LRP1B: variants seen among roughly 807,000 people sequenced by gnomAD.
The protein encoded by LRP1B is low-density lipoprotein receptor-related protein 1B.
A neutral mutation model predicts 556.6 loss-of-function variants in LRP1B; 217 were observed. The observed-to-expected ratio is 0.39, with a 90% CI of 0.35 to 0.44. The LOEUF is 0.44. Among genes scored for constraint, LRP1B ranks in the 20% least tolerant of loss-of-function variants. The pLI is 1.00. For synonymous variants in LRP1B, 2,047 were observed against 1,865.8 expected, an observed-to-expected ratio of 1.10 and a Z score of -2.50; for missense variants, 5,053 against 5,620.8, an observed-to-expected ratio of 0.90 and a Z score of 3.23.
chr2:141,103,034 C>T (rs896582857), intron 7 of LRP1B, among the ~76,000 whole-genome samples: 3 of 151,798 alleles, frequency 2.0e-5, no homozygotes, highest in Middle Eastern at 3.2e-3. Context: ...CATTTTATTT[C>T]AGTATTTATT....
At chr2:141,507,307 C>G (rs942060837) in intron 2 of LRP1B, among the ~76,000 whole-genome samples, 8 of 152,034 alleles carry the variant, frequency 5.3e-5, no homozygotes, top group South Asian at 2.1e-4. Flanking sequence ...GTTGTCATTA[C>G]TTGTTTAGCA....
At chr2:141,886,979 TG>T (rs201578899) in intron 1 of LRP1B, among the ~76,000 whole-genome samples, 16,480 of 144,878 alleles carry the variant, frequency 0.11, 1,023 homozygotes, top group Admixed American at 0.16. Flanking sequence ...TTTTTTTTTT[TG>T]GGTTTTTTGT....
intron 2 of LRP1B, among the ~76,000 whole-genome samples, chr2:141,804,833 G>A (rs534805109): frequency 6.6e-6 from 1 of 151,954 alleles, no homozygotes; most frequent in Non-Finnish European, 1.5e-5. Context: ...GGCACAATAT[G>A]GTTAAATTAG....
chr2:140,953,368 C>T (rs1339963843), intron 18 of LRP1B, among the ~76,000 whole-genome samples: 7 of 152,158 alleles, frequency 4.6e-5, no homozygotes, highest in African/African-American at 9.7e-5. Context: ...GGATTACAGG[C>T]GTGAGCCACT....
chr2:141,199,197 A>G (rs1393055353), intron 6 of LRP1B, among the ~76,000 whole-genome samples: 1 of 152,154 alleles, frequency 6.6e-6, no homozygotes. Flanking sequence ...TCCCGCACAA[A>G]TGCTTTCAGA....
intron 41 of LRP1B, among the ~76,000 whole-genome samples, chr2:140,622,876 T>A (rs532252888): frequency 6.6e-6 from 1 of 152,316 alleles, no homozygotes; most frequent in East Asian, 1.9e-4. Flanking sequence ...TGTTAACTAC[T>A]GCCCACATTT....
intron 74 of LRP1B, among the ~76,000 whole-genome samples, chr2:140,357,735 T>C (rs1682294908): frequency 6.6e-6 from 1 of 151,726 alleles, no homozygotes; most frequent in Non-Finnish European, 1.5e-5. Flanking sequence ...AACTTCGATA[T>C]TTGAATATTG....
intron 3 of LRP1B, among the ~76,000 whole-genome samples, chr2:141,478,764 C>T (rs754713854): frequency 1.6e-4 from 25 of 151,988 alleles, no homozygotes; most frequent in Non-Finnish European, 3.1e-4. Flanking sequence ...ATGCTGGTCT[C>T]GAACTCCTGA....
chr2:141,020,852 G>C lies in LRP1B; in HGVS notation c.1790-750C>G, dbSNP rs10181952. The stretch of plus-strand genomic sequence containing the variant: ...TTCAAAGTGAAGGCAGTTACTTATG[G>C]TCTATTATCATTCACGAAGCAGTAG... On this transcript the variant is annotated intron_variant, in intron 11 of 90. Transcript: ENST00000389484. Among the ~76,000 whole-genome samples, 505 of 151,884 alleles carry C rather than the reference G, an allele frequency of 3.3e-3. 2 individuals are homozygous for C. Among genetic ancestry groups the C allele is most frequent in the African/African-American group, 0.011 (461 of 41,462 alleles).
intron 1 of LRP1B, among the ~76,000 whole-genome samples, chr2:141,916,389 G>A (rs1036726427): frequency 6.4e-5 from 3 of 46,916 alleles, no homozygotes; most frequent in Non-Finnish European, 1.3e-4. Context: ...ATTTGAGACG[G>A]AGTCTCGCTC....
At chr2:141,791,215 T>G (rs147227915) in intron 2 of LRP1B, among the ~76,000 whole-genome samples, 1 of 152,076 alleles carries the variant, frequency 6.6e-6, no homozygotes, top group African/African-American at 2.4e-5. Context: ...AAAGAGAGAA[T>G]TGCATTCACA....
At chr2:141,206,722 C>T (rs1489203793) in intron 6 of LRP1B, among the ~76,000 whole-genome samples, 1 of 152,136 alleles carries the variant, frequency 6.6e-6, no homozygotes, top group Non-Finnish European at 1.5e-5. Context: ...TTAAAACTAT[C>T]TTTTCCACAC....
At chr2:141,453,211 T>G (rs1681489501) in intron 3 of LRP1B, among the ~76,000 whole-genome samples, 1 of 152,076 alleles carries the variant, frequency 6.6e-6, no homozygotes, top group Non-Finnish European at 1.5e-5. Flanking sequence ...CACTCCAGCC[T>G]GGGTGACAAA....
chr2:141,389,067 C>A (rs573259984), intron 3 of LRP1B, among the ~76,000 whole-genome samples: 1 of 152,118 alleles, frequency 6.6e-6, no homozygotes, highest in Non-Finnish European at 1.5e-5. Context: ...ACTACTCACA[C>A]TAGATTCAGT....
chr2:141,154,426 T>A (rs752456958), intron 7 of LRP1B, among the ~76,000 whole-genome samples: 19 of 151,892 alleles, frequency 1.3e-4, no homozygotes, highest in Non-Finnish European at 2.5e-4. Flanking sequence ...TCCTAAAAAA[T>A]TAAAATGCAG....
chr2:141,187,773 A>T (rs1395751472), intron 7 of LRP1B, among the ~76,000 whole-genome samples: 1 of 152,032 alleles, frequency 6.6e-6, no homozygotes, highest in Non-Finnish European at 1.5e-5. Context: ...AAAAAGATTA[A>T]TGAGTCTATT....
intron 3 of LRP1B, among the ~76,000 whole-genome samples, chr2:141,319,492 T>C (rs1687159686): frequency 6.6e-6 from 1 of 151,912 alleles, no homozygotes; most frequent in Non-Finnish European, 1.5e-5. Flanking sequence ...GTGAGGGTTG[T>C]ATATTAGGGT....
At chr2:140,770,080 T>G (rs1258543031) in intron 34 of LRP1B, among the ~76,000 whole-genome samples, 3 of 151,904 alleles carry the variant, frequency 2.0e-5, no homozygotes, top group Non-Finnish European at 2.9e-5. Flanking sequence ...CTGTTTCCAC[T>G]ATTTCCTATC....
chr2:140,359,043 G>A (rs1682382313), intron 72 of LRP1B, 97 bp from the exon 73 acceptor site: 1 of 1,229,076 alleles, frequency 8.1e-7, no homozygotes, highest in African/African-American at 1.5e-5. Flanking sequence ...AAATCCATAA[G>A]CTAGCTTTTC....
Sources: gnomAD v4.1 joint callset for allele counts (sites outside exome capture counted in the v4.1 genomes callset) on GRCh38, gnomAD v4.1.1 for gene constraint, MANE v1.5 for transcripts, NCBI Gene and HGNC (gene_info 2026-07-23, HGNC 2026-07-21) for gene names.